The following ADAMTS16 variants were observed in gnomAD, a reference collection of about 807,000 sequenced individuals.
ADAMTS16 encodes the protein ADAM metallopeptidase with thrombospondin type 1 motif 16.
A neutral mutation model predicts 145.8 loss-of-function variants in ADAMTS16; 94 were observed. The ratio of observed to expected loss-of-function variants is 0.64; its 90% CI spans 0.55 to 0.77. The LOEUF (loss-of-function observed/expected upper bound fraction) is 0.77, where lower values mean the gene tolerates loss of function less well. Ranked by LOEUF, ADAMTS16 falls within the 30% of genes least tolerant of loss-of-function variation. The pLI is 0.00. For missense variants in ADAMTS16, 1,585 were observed against 1,591.5 expected (o/e 1.00, Z 0.07); for synonymous variants, 659 against 604.3 (o/e 1.09, Z -1.33).
chr5:5,160,831 C>T (rs1450691648), intron 3 of ADAMTS16, among the ~76,000 whole-genome samples: 1 of 151,388 alleles, frequency 6.6e-6, no homozygotes, highest in Admixed American at 6.6e-5. Context: ...TGAGAACTGG[C>T]AAACCCAGCT....
chr5:5,222,775 C>A lies in ADAMTS16; in HGVS notation c.1606-14C>A. ...ATGATGTAATCCTAATGACCTTTTA[C>A]AAAATTTCTTTAGGACATCTGTAAA... On this transcript the variant is annotated splice_polypyrimidine_tract_variant and intron_variant, in intron 10 of 22. Transcript: ENST00000274181. The A allele has an allele frequency of 6.2e-7, 1 of 1,609,774 alleles. No individual in the cohort carries two copies. The highest frequency in any genetic ancestry group is 1.1e-5 in the South Asian group (1 of 90,984).
intron 18 of ADAMTS16, among the ~76,000 whole-genome samples, chr5:5,272,446 C>T (rs1738520078): frequency 6.6e-6 from 1 of 150,466 alleles, no homozygotes; most frequent in Admixed American, 6.6e-5. Flanking sequence ...ACTGCAAGCG[C>T]CGCCTCCCGA....
chr5:5,225,480 G>C (rs1261351557), intron 11 of ADAMTS16, among the ~76,000 whole-genome samples: 1 of 152,128 alleles, frequency 6.6e-6, no homozygotes, highest in Non-Finnish European at 1.5e-5. Flanking sequence ...GCGCATGCCT[G>C]TAGTCCCAGC....
At chr5:5,309,027 C>G (rs1339058161) in intron 21 of ADAMTS16, among the ~76,000 whole-genome samples, 1 of 151,696 alleles carries the variant, frequency 6.6e-6, no homozygotes, top group Non-Finnish European at 1.5e-5. Flanking sequence ...CTTTGTTATG[C>G]TATGTGTTTT....
At chr5:5,214,328 T>C (rs1433342537) in intron 10 of ADAMTS16, among the ~76,000 whole-genome samples, 4 of 152,366 alleles carry the variant, frequency 2.6e-5, no homozygotes, top group South Asian at 4.1e-4. Flanking sequence ...TCTATTAAAA[T>C]CACATAATGT....
intron 8 of ADAMTS16, among the ~76,000 whole-genome samples, chr5:5,192,669 G>A (rs1017126691): frequency 2.0e-5 from 3 of 152,158 alleles, no homozygotes; most frequent in African/African-American, 4.8e-5. Context: ...GTCCTAGGTT[G>A]GCGGTCTCAG....
chr5:5,185,087 A>G (rs983009408), intron 4 of ADAMTS16, among the ~76,000 whole-genome samples: 1 of 152,172 alleles, frequency 6.6e-6, no homozygotes, highest in African/African-American at 2.4e-5. Context: ...TGGAGCTCAC[A>G]CCTGCGGGCA....
At chr5:5,278,123 C>T (rs1423374657) in intron 18 of ADAMTS16, among the ~76,000 whole-genome samples, 2 of 152,132 alleles carry the variant, frequency 1.3e-5, no homozygotes, top group Non-Finnish European at 2.9e-5. Context: ...ACCACGTGAA[C>T]ATTGTTTAAA....
chr5:5,284,156 A>T (rs192323417), intron 18 of ADAMTS16, among the ~76,000 whole-genome samples: 1 of 152,178 alleles, frequency 6.6e-6, no homozygotes, highest in Non-Finnish European at 1.5e-5. Flanking sequence ...TTGCCTCTAC[A>T]ATTTAAAATC....
intron 18 of ADAMTS16, among the ~76,000 whole-genome samples, chr5:5,290,161 A>G (rs534810833): frequency 6.6e-6 from 1 of 152,318 alleles, no homozygotes; most frequent in East Asian, 1.9e-4. Context: ...CTCCTGAGGT[A>G]AAGAAGCAAG....
chr5:5,163,938 C>T (rs200763503), intron 3 of ADAMTS16, among the ~76,000 whole-genome samples: 3 of 152,202 alleles, frequency 2.0e-5, no homozygotes. Flanking sequence ...TGAACAGGAA[C>T]TAGCCCTTTG....
intron 17 of ADAMTS16, among the ~76,000 whole-genome samples, chr5:5,246,238 C>G (rs1344539074): frequency 1.3e-5 from 2 of 152,114 alleles, no homozygotes; most frequent in Non-Finnish European, 2.9e-5. Context: ...AAAATTTGAC[C>G]TGTGTCTTAA....
intron 3 of ADAMTS16, among the ~76,000 whole-genome samples, chr5:5,157,616 G>T (rs1363222595): frequency 6.6e-6 from 1 of 152,174 alleles, no homozygotes; most frequent in Non-Finnish European, 1.5e-5. Context: ...CATGTCAAGT[G>T]AAATGTGTCT....
chr5:5,145,128 C>A (rs1192501463), intron 2 of ADAMTS16, among the ~76,000 whole-genome samples: 1 of 152,142 alleles, frequency 6.6e-6, no homozygotes, highest in East Asian at 1.9e-4. Context: ...TTAGATAGGA[C>A]AAACTTTTCC....
chr5:5,302,966 T>TA (rs1739849951), intron 18 of ADAMTS16, among the ~76,000 whole-genome samples: 1 of 151,826 alleles, frequency 6.6e-6, no homozygotes, highest in South Asian at 2.1e-4. Context: ...ATTTTGCATT[T>TA]TTTAAAAAAG....
At chr5:5,184,214 CT>C (rs891049694) in intron 4 of ADAMTS16, among the ~76,000 whole-genome samples, 2 of 151,976 alleles carry the variant, frequency 1.3e-5, no homozygotes, top group Non-Finnish European at 2.9e-5. Context: ...CATGGATGCA[CT>C]GCACCCCCAG....
chr5:5,199,814 G>T (rs1560945633), intron 8 of ADAMTS16, among the ~76,000 whole-genome samples: 2 of 152,114 alleles, frequency 1.3e-5, no homozygotes, highest in Non-Finnish European at 2.9e-5. Flanking sequence ...TGGAGAAAAA[G>T]AAGCTACATA....
intron 20 of ADAMTS16, among the ~76,000 whole-genome samples, chr5:5,305,631 C>T (rs1740113827): frequency 6.6e-6 from 1 of 152,176 alleles, no homozygotes; most frequent in Non-Finnish European, 1.5e-5. Flanking sequence ...TCTCCATCTT[C>T]GATCAGGATG....
intron 2 of ADAMTS16, 130 bp downstream of exon 2, chr5:5,140,896 C>A: frequency 1.6e-6 from 1 of 635,224 alleles, no homozygotes; most frequent in Non-Finnish European, 2.4e-6. Flanking sequence ...CTGTTGTGAA[C>A]TTTTTTTTTT....
Sources: allele counts gnomAD v4.1 joint callset (sites outside exome capture counted in the v4.1 genomes callset), GRCh38; gene constraint gnomAD v4.1.1; transcripts MANE v1.5; gene names NCBI Gene and HGNC (gene_info 2026-07-23, HGNC 2026-07-21).